Variants in CLPB observed in about 807,000 individuals in gnomAD.
CLPB encodes the protein mitochondrial disaggregase.
In CLPB, 40 loss-of-function variants were observed where a neutral mutation model predicts 78.4. The ratio of observed to expected loss-of-function variants is 0.51; its 90% CI spans 0.40 to 0.66. The LOEUF is 0.66. Among genes scored for constraint, CLPB ranks in the 30% least tolerant of loss-of-function variants. CLPB has a pLI of 0.00. For missense variants in CLPB, 780 were observed against 886.9 expected, an observed-to-expected ratio of 0.88 and a Z score of 1.53; for synonymous variants, 333 against 348.0, an observed-to-expected ratio of 0.96 and a Z score of 0.48.
intron 6 of CLPB, among the ~76,000 whole-genome samples, chr11:72,320,000 G>A (rs2135532819): frequency 6.6e-6 from 1 of 152,342 alleles, no homozygotes; most frequent in Non-Finnish European, 1.5e-5. Flanking sequence ...TGCTACCACT[G>A]CCCCAGAGGC....
At chr11:72,294,256 C>T in intron 14 of CLPB, 69 bp downstream of exon 14, 1 of 1,612,944 alleles carries the variant, frequency 6.2e-7, no homozygotes, top group Non-Finnish European at 8.5e-7. Context: ...TGGGGGTGCC[C>T]CCAGTCCAGT....
intron 6 of CLPB, among the ~76,000 whole-genome samples, chr11:72,325,250 T>C (rs188538258): frequency 9.2e-5 from 14 of 152,350 alleles, no homozygotes; most frequent in African/African-American, 2.6e-4. Flanking sequence ...TCTCCATCTA[T>C]TGAAATCCTT....
chr11:72,428,235 T>C (rs1353331332), intron 2 of CLPB, among the ~76,000 whole-genome samples: 2 of 152,184 alleles, frequency 1.3e-5, no homozygotes, highest in Non-Finnish European at 2.9e-5. Context: ...CCTCATCATC[T>C]TGAATCTGTC....
At chr11:72,378,930 T>C (rs1338539894) in intron 4 of CLPB, among the ~76,000 whole-genome samples, 1 of 152,182 alleles carries the variant, frequency 6.6e-6, no homozygotes, top group Non-Finnish European at 1.5e-5. Context: ...AGGTTGCAAT[T>C]ATTGTCAAGG....
Position 72,294,613 on chromosome 11 carries a change from C to T in CLPB, c.1560+7G>A, listed in dbSNP as rs767364657. On this transcript the variant is annotated splice_region_variant and intron_variant, in intron 13 of 15. Coordinates refer to ENST00000538039, the MANE Select transcript of CLPB (RefSeq NM_001258392.3). ...TCCAGCAGGAAGTGCCAAGAAAGAC[C>T]TCTTACTTTCAGGATAGGGCGAATC... 3.1e-6 allele frequency: 5 copies of T among 1,613,604 alleles called. No individual in the cohort carries two copies. Among genetic ancestry groups the T allele is most frequent in the Middle Eastern group, 1.7e-4 (1 of 6,060 alleles).
chr11:72,346,823 C>T (rs1205535916), intron 5 of CLPB, among the ~76,000 whole-genome samples: 1 of 151,284 alleles, frequency 6.6e-6, no homozygotes, highest in Non-Finnish European at 1.5e-5. Flanking sequence ...GATAAAAATA[C>T]AAAAAAATTT....
intron 9 of CLPB, among the ~76,000 whole-genome samples, chr11:72,303,543 T>C (rs1381208412): frequency 6.6e-6 from 1 of 152,184 alleles, no homozygotes; most frequent in Non-Finnish European, 1.5e-5. Flanking sequence ...TGCAGTTTTG[T>C]CCTGTGTTAC....
intron 1 of CLPB, among the ~76,000 whole-genome samples, chr11:72,432,319 G>A (rs1469807673): frequency 5.9e-5 from 9 of 152,198 alleles, no homozygotes; most frequent in Admixed American, 5.9e-4. Context: ...CGGGAAAGTT[G>A]CTAGTATAAC....
intron 6 of CLPB, among the ~76,000 whole-genome samples, chr11:72,322,591 T>C (rs112881092): frequency 1.3e-5 from 2 of 152,270 alleles, no homozygotes; most frequent in African/African-American, 4.8e-5. Flanking sequence ...TATATTCTAT[T>C]TGGAGGAGAG....
intron 5 of CLPB, among the ~76,000 whole-genome samples, chr11:72,355,601 C>G (rs1193917801): frequency 2.0e-5 from 3 of 152,178 alleles, no homozygotes; most frequent in Admixed American, 6.5e-5. Flanking sequence ...AGGAAACATG[C>G]CCAAGGCAAC....
At chr11:72,405,650 C>T (rs979460823) in intron 2 of CLPB, among the ~76,000 whole-genome samples, 10 of 152,058 alleles carry the variant, frequency 6.6e-5, no homozygotes, top group African/African-American at 1.7e-4. Context: ...TCTTCAAGGC[C>T]GGGCACGGTG....
chr11:72,382,495 C>T (rs980452788), intron 3 of CLPB, among the ~76,000 whole-genome samples: 1 of 152,182 alleles, frequency 6.6e-6, no homozygotes, highest in Non-Finnish European at 1.5e-5. Flanking sequence ...GGCTGGCTCC[C>T]GCAGATATAG....
At chr11:72,388,966 A>G (rs1855167453) in intron 3 of CLPB, among the ~76,000 whole-genome samples, 1 of 152,168 alleles carries the variant, frequency 6.6e-6, no homozygotes, top group African/African-American at 2.4e-5. Flanking sequence ...TTCACAATCA[A>G]AATAAAATTA....
chr11:72,401,155 G>A (rs1453610987), intron 3 of CLPB, among the ~76,000 whole-genome samples: 1 of 152,110 alleles, frequency 6.6e-6, no homozygotes, highest in Non-Finnish European at 1.5e-5. Flanking sequence ...TAAAGAATAG[G>A]TGCGCCAGAC....
At chr11:72,434,037 C>T in intron 1 of CLPB, 35 bp downstream of exon 1, 2 of 1,598,002 alleles carry the variant, frequency 1.3e-6, no homozygotes, top group South Asian at 2.2e-5. Context: ...AATCTTCCCG[C>T]CTCTCCCTTC....
At chr11:72,399,960 C>A (rs1475559755) in intron 3 of CLPB, among the ~76,000 whole-genome samples, 1 of 152,186 alleles carries the variant, frequency 6.6e-6, no homozygotes, top group African/African-American at 2.4e-5. Context: ...GGCACCTTAA[C>A]AATGAGGCCT....
chr11:72,296,062 A>C (rs1949546780), intron 11 of CLPB, among the ~76,000 whole-genome samples: 1 of 152,218 alleles, frequency 6.6e-6, no homozygotes, highest in African/African-American at 2.4e-5. Flanking sequence ...AGTATAGAGA[A>C]GCAGTGAGAT....
At chr11:72,326,582 G>A (rs1950137054) in intron 6 of CLPB, among the ~76,000 whole-genome samples, 1 of 152,156 alleles carries the variant, frequency 6.6e-6, no homozygotes, top group Non-Finnish European at 1.5e-5. Flanking sequence ...GCTGAGCAGG[G>A]TGGCAGGGGG....
At chr11:72,407,391 GT>G (rs1855740360) in intron 2 of CLPB, among the ~76,000 whole-genome samples, 1 of 152,128 alleles carries the variant, frequency 6.6e-6, no homozygotes. Context: ...TTATATTATT[GT>G]TTTATCTTGC....
Sources: allele counts gnomAD v4.1 joint callset (sites outside exome capture counted in the v4.1 genomes callset), GRCh38; gene constraint gnomAD v4.1.1; transcripts MANE v1.5; gene names NCBI Gene and HGNC (gene_info 2026-07-23, HGNC 2026-07-21).